Variants in TRDN observed in about 807,000 individuals in gnomAD.
TRDN encodes triadin in skeletal muscle.
In TRDN, 161 loss-of-function variants were observed where a neutral mutation model predicts 149.7. The observed-to-expected ratio is 1.08, with a 90% CI of 0.95 to 1.23. The LOEUF (loss-of-function observed/expected upper bound fraction) is 1.23. Ranked by LOEUF, TRDN falls within the 50% of genes most tolerant of loss-of-function variation. TRDN has a pLI of 0.00. For missense variants in TRDN, 896 were observed against 823.5 expected (o/e 1.09, Z -1.08); for synonymous variants, 294 against 250.5 (o/e 1.17, Z -1.64).
chr6:123,560,812 A>G (rs1186182437), intron 2 of TRDN, among the ~76,000 whole-genome samples: 2 of 152,032 alleles, frequency 1.3e-5, no homozygotes, highest in African/African-American at 2.4e-5. Context: ...TTCTGTCATC[A>G]TTTCATAACC....
intron 38 of TRDN, among the ~76,000 whole-genome samples, chr6:123,242,273 C>CA (rs1776017866): frequency 6.6e-6 from 1 of 152,040 alleles, no homozygotes; most frequent in Non-Finnish European, 1.5e-5. Context: ...AAAAAGTTTT[C>CA]AAAAAATTTA....
chr6:123,527,184 C>A (rs1420152339), intron 5 of TRDN, among the ~76,000 whole-genome samples: 2 of 151,928 alleles, frequency 1.3e-5, no homozygotes, highest in Admixed American at 1.3e-4. Flanking sequence ...ACACACCATG[C>A]TTTAGTTTAT....
chr6:123,443,204 A>T (rs1043899251), intron 10 of TRDN, among the ~76,000 whole-genome samples: 3 of 149,868 alleles, frequency 2.0e-5, no homozygotes, highest in Non-Finnish European at 4.4e-5. Context: ...TAAAATGAAT[A>T]TGTATGTATA....
intron 23 of TRDN, among the ~76,000 whole-genome samples, chr6:123,323,163 G>T (rs1779321101): frequency 1.3e-5 from 2 of 152,096 alleles, no homozygotes; most frequent in Non-Finnish European, 2.9e-5. Flanking sequence ...CAGAATCCCT[G>T]TCTCACTATC....
chr6:123,593,146 C>A (rs982817052), intron 1 of TRDN, among the ~76,000 whole-genome samples: 1 of 152,136 alleles, frequency 6.6e-6, no homozygotes, highest in Non-Finnish European at 1.5e-5. Flanking sequence ...CATAAGAAAA[C>A]TACAATAGTT....
intron 1 of TRDN, among the ~76,000 whole-genome samples, chr6:123,609,459 ACT>A (rs1375505577): frequency 6.6e-6 from 1 of 152,142 alleles, no homozygotes; most frequent in Non-Finnish European, 1.5e-5. Flanking sequence ...TATTTTCTGT[ACT>A]TTCTTACTTT....
intron 16 of TRDN, among the ~76,000 whole-genome samples, chr6:123,379,409 A>G (rs541177661): frequency 1.6e-4 from 25 of 152,352 alleles, no homozygotes; most frequent in African/African-American, 5.8e-4. Flanking sequence ...AAATTAAACA[A>G]AATGAGAACA....
At chr6:123,245,104 A>G (rs1419607916) in intron 38 of TRDN, among the ~76,000 whole-genome samples, 3 of 152,222 alleles carry the variant, frequency 2.0e-5, no homozygotes, top group Admixed American at 2.0e-4. Flanking sequence ...AGCACTAAAT[A>G]TGGAAAAGAA....
intron 12 of TRDN, among the ~76,000 whole-genome samples, chr6:123,394,678 T>G (rs1003482985): frequency 6.6e-6 from 1 of 152,264 alleles, no homozygotes; most frequent in Admixed American, 6.5e-5. Context: ...TTACCTCTTG[T>G]TGGTAAGATA....
At chr6:123,506,741 G>A (rs575077946) in intron 7 of TRDN, among the ~76,000 whole-genome samples, 3 of 152,030 alleles carry the variant, frequency 2.0e-5, no homozygotes, top group Middle Eastern at 3.4e-3. Context: ...CACCCGCCTC[G>A]GCCTCCCAAA....
rs556034606 is a variant in TRDN, at chr6:123,520,134, G to A, written c.485-3928C>T. On this transcript the variant is annotated intron_variant, in intron 5 of 40. Transcript: ENST00000334268. ...TTGGTAGCTAATTTGTAGAAGTTCAGTTCTGTGGTAAGGCAAGATGATCTC... is the reference window on the plus strand; with the variant it reads ...TTGGTAGCTAATTTGTAGAAGTTCAATTCTGTGGTAAGGCAAGATGATCTC... 5.5e-4 allele frequency among the ~76,000 whole-genome samples: 84 copies of A among 152,126 alleles called. No homozygotes were observed. In the Middle Eastern group the frequency reaches 0.01, roughly 18 times the overall value.
chr6:123,329,878 T>A (rs778102838), intron 23 of TRDN, among the ~76,000 whole-genome samples: 10 of 152,084 alleles, frequency 6.6e-5, no homozygotes, highest in Non-Finnish European at 1.3e-4. Context: ...TTTGTACAAA[T>A]CACTGTCTAG....
chr6:123,612,482 C>T (rs1216695031), intron 1 of TRDN, among the ~76,000 whole-genome samples: 5 of 151,606 alleles, frequency 3.3e-5, no homozygotes, highest in African/African-American at 1.2e-4. Flanking sequence ...ATGGTGGTGG[C>T]GGGCGCCTGT....
chr6:123,266,732 A>G lies in TRDN; in HGVS notation c.1783+975T>C, dbSNP rs1208945230. Among the ~76,000 whole-genome samples the G allele has an allele frequency of 7.3e-5, 5 of 68,478 alleles. 1 individual carries two copies. Among genetic ancestry groups the G allele is most frequent in the Non-Finnish European group, 1.5e-4 (5 of 34,258 alleles). 44.9% of individuals were successfully genotyped at this position (68,478 alleles called of 152,430 possible). A position where few individuals can be genotyped will look rare whatever the true frequency, so the allele number is the denominator to read the frequency against. On this transcript the variant is annotated intron_variant, in intron 32 of 40. Coordinates refer to ENST00000334268, the MANE Select transcript of TRDN (RefSeq NM_006073.4). ...ATATATAATATATATGATATATTAT[A>G]TATGTAATATATTATAATATGTATT...
intron 8 of TRDN, among the ~76,000 whole-genome samples, chr6:123,500,469 C>A (rs1778650813): frequency 6.6e-6 from 1 of 152,096 alleles, no homozygotes; most frequent in Admixed American, 6.6e-5. Context: ...AAAAATGTTT[C>A]TTTAAACCCA....
chr6:123,349,721 A>G (rs1780384842), intron 21 of TRDN: 5 of 980,516 alleles, frequency 5.1e-6, no homozygotes, highest in Non-Finnish European at 6.1e-6. Context: ...CAGGGAAATC[A>G]TTACTCTTAG....
intron 1 of TRDN, among the ~76,000 whole-genome samples, chr6:123,576,714 CA>C (rs1215024977): frequency 6.6e-6 from 1 of 151,962 alleles, no homozygotes; most frequent in Non-Finnish European, 1.5e-5. Flanking sequence ...TGGAGAGACA[CA>C]AACATTCAGA....
intron 12 of TRDN, among the ~76,000 whole-genome samples, chr6:123,426,994 T>G (rs1322509452): frequency 6.6e-6 from 1 of 152,108 alleles, no homozygotes; most frequent in South Asian, 2.1e-4. Context: ...TTATTAAACT[T>G]TCTTTCCTAC....
At chr6:123,489,758 C>A (rs1443316867) in intron 9 of TRDN, among the ~76,000 whole-genome samples, 2 of 151,864 alleles carry the variant, frequency 1.3e-5, no homozygotes, top group African/African-American at 4.8e-5. Context: ...ATGAAATTGC[C>A]TAGAAAGATG....
Sources: allele counts gnomAD v4.1 joint callset (sites outside exome capture counted in the v4.1 genomes callset), GRCh38; gene constraint gnomAD v4.1.1; transcripts MANE v1.5; gene names NCBI Gene and HGNC (gene_info 2026-07-23, HGNC 2026-07-21).